TGM5: variants seen among roughly 807,000 people sequenced by gnomAD.
TGM5 encodes protein-glutamine gamma-glutamyltransferase 5.
TGM5 carries 69 observed loss-of-function variants against 77.2 expected under a neutral mutation model. That is an observed-to-expected ratio of 0.89 (90% CI 0.74 to 1.09). TGM5 has a LOEUF of 1.09. Among genes scored for constraint, TGM5 ranks in the 50% least tolerant of loss-of-function variants. The pLI is 0.00. For missense variants in TGM5, 842 were observed against 896.5 expected (o/e 0.94, Z 0.78); for synonymous variants, 346 against 351.8 (o/e 0.98, Z 0.18).
At chr15:43,241,329 C>G (rs1391895841) in intron 6 of TGM5, 1 of 383,284 alleles carries the variant, frequency 2.6e-6, no homozygotes, top group Non-Finnish European at 5.0e-6. Context: ...AACTGCATTT[C>G]TCTTCTGGCC....
intron 6 of TGM5, among the ~76,000 whole-genome samples, chr15:43,251,046 G>A (rs2042699894): frequency 6.6e-6 from 1 of 152,142 alleles, no homozygotes; most frequent in African/African-American, 2.4e-5. Context: ...TTAGATGCTA[G>A]GCTTTTCCAC....
At chr15:43,256,774 G>A in intron 3 of TGM5, 88 bp from the exon 4 acceptor site, 1 of 1,033,978 alleles carries the variant, frequency 9.7e-7, no homozygotes, top group Non-Finnish European at 1.5e-6. Context: ...AGAGGAAACG[G>A]TTCTGGAGCA....
chr15:43,254,798 C>T (rs1566835099), intron 4 of TGM5, among the ~76,000 whole-genome samples: 1 of 152,134 alleles, frequency 6.6e-6, no homozygotes, highest in Non-Finnish European at 1.5e-5. Context: ...TCAAACATCT[C>T]CTCTCCCAGG....
chr15:43,260,329 G>T (rs372813017), intron 2 of TGM5, 32 bp from the exon 3 acceptor site: 3 of 1,614,138 alleles, frequency 1.9e-6, no homozygotes, highest in Non-Finnish European at 2.5e-6. Context: ...GGCCCTCCAT[G>T]GCGACCTCCA....
At chr15:43,259,994 C>T in intron 3 of TGM5, 58 bp downstream of exon 3, 1 of 1,610,898 alleles carries the variant, frequency 6.2e-7, no homozygotes, top group Non-Finnish European at 8.5e-7. Flanking sequence ...TTGAGCCTGT[C>T]TCTCTGGCAG....
chr15:43,261,072 G>GTTTTTTTTTTTTTTTTTTTTT (rs1566837432), intron 1 of TGM5, among the ~76,000 whole-genome samples: 2 of 53,880 alleles, frequency 3.7e-5, no homozygotes, highest in African/African-American at 5.7e-5. Flanking sequence ...TTTTTTGTGT[G>GTTTTTTTTTTTTTTTTTTTTT]TGTGTTTTTT....
chr15:43,265,773 C>A, intron 1 of TGM5, among the ~76,000 whole-genome samples: 1 of 152,126 alleles, frequency 6.6e-6, no homozygotes, highest in East Asian at 1.9e-4. Context: ...GCTTGTGTAA[C>A]CGGAAAATTG....
At chr15:43,265,873 CT>C (rs1222587680) in intron 1 of TGM5, among the ~76,000 whole-genome samples, 3 of 152,164 alleles carry the variant, frequency 2.0e-5, no homozygotes, top group Admixed American at 6.5e-5. Flanking sequence ...TCTATAGGTA[CT>C]GACTGGCATG....
At chr15:43,238,090 G>A (rs1298157725) in intron 9 of TGM5, among the ~76,000 whole-genome samples, 1 of 152,094 alleles carries the variant, frequency 6.6e-6, no homozygotes, top group African/African-American at 2.4e-5. Context: ...CCACGTAGAC[G>A]AACCACAGAC....
chr15:43,260,435 G>A lies in TGM5; in HGVS notation c.155C>T (p.Pro52Leu), dbSNP rs2042776766. The change falls in exon 2 of 13, where the codon CCA becomes CTA. Residue 52 changes from proline (P) to leucine (L), a missense_variant. By Grantham distance (98) the Pro-to-Leu change is moderately conservative (BLOSUM62 -3). Coordinates refer to ENST00000220420, the MANE Select transcript of TGM5 (RefSeq NM_201631.4). ...CACGAAGATGATGTTGTCCAGGCCT[G>A]GCTGGAAGCTCCGGTTCCTGAAGTA... is the stretch of plus-strand genomic sequence containing the variant. ...TLYFRNRSFQ[P>L]GLDNIIFVVE... is the part of the protein sequence containing the mutation. The A allele has an allele frequency of 3.1e-6, 5 of 1,614,212 alleles. No individual in the cohort carries two copies. The highest frequency in any genetic ancestry group is 4.2e-6 in the Non-Finnish European group (5 of 1,180,046).
chr15:43,263,811 A>G (rs936295419), intron 1 of TGM5, among the ~76,000 whole-genome samples: 3 of 152,212 alleles, frequency 2.0e-5, no homozygotes, highest in African/African-American at 7.2e-5. Context: ...AACCAAATGA[A>G]TTGGACCTCA....
rs1401870257 is a variant in TGM5, at chr15:43,233,566, T to C, written c.1997A>G (p.Gln666Arg). Residue 666 changes from glutamine (Q) to arginine (R), a missense_variant, in exon 12 of 13, where the codon CAG becomes CGG. Around this residue, in one of 2 missense-constraint regions of TGM5, gnomAD observed 815 missense variants for 844.6 expected, o/e 0.96. Transcript: ENST00000220420. The part of the protein sequence containing the change: ...TVEGSGLFKK[Q>R]QKVFLGVLKP... Reference sequence around the variant, plus strand: ...TTGCAGCACTTACAAGACTTTCTGCTGTTTCTTGAAGAGGCCACTTCCTTC... The same window carrying C: ...TTGCAGCACTTACAAGACTTTCTGCCGTTTCTTGAAGAGGCCACTTCCTTC... 6.2e-7 allele frequency: 1 copy of C among 1,614,204 alleles called. No individual in the cohort carries two copies. The highest frequency in any genetic ancestry group is 2.2e-5 in the East Asian group (1 of 44,884).
chr15:43,238,846 T>A lies in TGM5; in HGVS notation c.1316A>T (p.Asp439Val). Residue 439 changes from aspartate to valine, a missense_variant, in exon 9 of 13, where the codon GAC (aspartate) becomes GTC (valine). Around this residue, in one of 2 missense-constraint regions of TGM5, gnomAD observed 815 missense variants for 844.6 expected, o/e 0.96. Coordinates refer to ENST00000220420, the MANE Select transcript of TGM5 (RefSeq NM_201631.4). ...TTCATACTTGTAGTTCTCTGTGATG[T>A]CATCCCGCTCGTCACTCTGGATGCT... is the stretch of plus-strand genomic sequence containing the variant. ...TKSIQSDERD[D>V]ITENYKYEEG... 1 of 1,614,174 alleles carries A rather than the reference T, an allele frequency of 6.2e-7. No homozygotes were observed. Among genetic ancestry groups the A allele is most frequent in the East Asian group, 2.2e-5 (1 of 44,888 alleles).
Position 43,238,847 on chromosome 15 carries a change from C to T in TGM5, c.1315G>A (p.Asp439Asn), listed in dbSNP as rs1296932075. 2.5e-6 allele frequency: 4 copies of T among 1,614,126 alleles called. No homozygotes were observed. ...TCATACTTGTAGTTCTCTGTGATGT[C>T]ATCCCGCTCGTCACTCTGGATGCTC... ...TKSIQSDERD[D>N]ITENYKYEEG... Residue 439 changes from aspartate to asparagine, a missense_variant, in exon 9 of 13, where the codon GAC (aspartate) becomes AAC (asparagine). This residue lies in a region of TGM5 where 815 missense variants were observed against 844.6 expected (regional missense o/e 0.96). Transcript: ENST00000220420.
chr15:43,245,170 T>C (rs1249983595), intron 6 of TGM5, among the ~76,000 whole-genome samples: 1 of 152,032 alleles, frequency 6.6e-6, no homozygotes, highest in Admixed American at 6.6e-5. Context: ...CCTAATTTTA[T>C]AAGAAAATTC....
intron 6 of TGM5, among the ~76,000 whole-genome samples, chr15:43,245,940 A>G (rs1367362835): frequency 4.6e-5 from 7 of 151,888 alleles, no homozygotes; most frequent in Non-Finnish European, 8.8e-5. Flanking sequence ...CCCCTTCACA[A>G]TGAGCACTAC....
At chr15:43,257,054 T>G (rs1380381901) in intron 3 of TGM5, among the ~76,000 whole-genome samples, 1 of 152,216 alleles carries the variant, frequency 6.6e-6, no homozygotes, top group Non-Finnish European at 1.5e-5. Context: ...TATTCTGTGC[T>G]TTTTCTGCTA....
intron 3 of TGM5, among the ~76,000 whole-genome samples, chr15:43,257,933 A>G (rs1286532325): frequency 6.6e-6 from 1 of 152,198 alleles, no homozygotes; most frequent in Non-Finnish European, 1.5e-5. Flanking sequence ...TTATAGGGAC[A>G]TGGATGCAGC....
chr15:43,258,053 G>T (rs1382916619), intron 3 of TGM5, among the ~76,000 whole-genome samples: 1 of 152,074 alleles, frequency 6.6e-6, no homozygotes, highest in African/African-American at 2.4e-5. Context: ...ACAGGGTGGG[G>T]AACATCACAC....
Sources: allele counts gnomAD v4.1 joint callset (sites outside exome capture counted in the v4.1 genomes callset), GRCh38; gene constraint gnomAD v4.1.1; regional missense constraint gnomAD v4.1.1; transcripts MANE v1.5; gene names NCBI Gene and HGNC (gene_info 2026-07-23, HGNC 2026-07-21).